Variants in AUH observed in about 807,000 individuals in gnomAD.
AUH encodes the protein methylglutaconyl-CoA hydratase, mitochondrial.
Under a neutral mutation model 42.3 loss-of-function variants are expected in AUH, and 29 were observed. The observed-to-expected ratio is 0.69, with a 90% CI of 0.51 to 0.93. The LOEUF is 0.93. Ranked by LOEUF, AUH falls within the 40% of genes least tolerant of loss-of-function variation. AUH has a pLI of 0.00. For synonymous variants in AUH, 174 were observed against 166.4 expected, an observed-to-expected ratio of 1.05 and a Z score of -0.35; for missense variants, 452 against 438.1, an observed-to-expected ratio of 1.03 and a Z score of -0.28.
chr9:91,254,331 C>G (rs1266753545), intron 6 of AUH, among the ~76,000 whole-genome samples: 1 of 152,182 alleles, frequency 6.6e-6, no homozygotes, highest in Non-Finnish European at 1.5e-5. Context: ...ACAAGAAGGC[C>G]TCTCCCAACA....
At chr9:91,275,058 T>G (rs555832272) in intron 6 of AUH, among the ~76,000 whole-genome samples, 29 of 152,214 alleles carry the variant, frequency 1.9e-4, no homozygotes, top group Non-Finnish European at 3.2e-4. Flanking sequence ...ACAGTAACAA[T>G]GATGACTAGT....
chr9:91,234,630 C>T (rs189810458), intron 6 of AUH, among the ~76,000 whole-genome samples: 2 of 151,728 alleles, frequency 1.3e-5, no homozygotes, highest in East Asian at 3.9e-4. Context: ...CCAAATAAAG[C>T]TTATTTAAGT....
intron 6 of AUH, among the ~76,000 whole-genome samples, chr9:91,234,259 C>T (rs1294093652): frequency 1.3e-5 from 2 of 152,182 alleles, no homozygotes; most frequent in Non-Finnish European, 2.9e-5. Flanking sequence ...CAGGCGTCTA[C>T]ATCAGGTCTG....
chr9:91,219,859 A>G (rs1364289914), intron 7 of AUH, among the ~76,000 whole-genome samples: 1 of 152,232 alleles, frequency 6.6e-6, no homozygotes, highest in Non-Finnish European at 1.5e-5. Flanking sequence ...TTTTAAAAAG[A>G]ATCAAATGCA....
intron 3 of AUH, among the ~76,000 whole-genome samples, chr9:91,355,509 A>T (rs1412449822): frequency 6.6e-6 from 1 of 151,982 alleles, no homozygotes; most frequent in Non-Finnish European, 1.5e-5. Context: ...GTAAGCGAAG[A>T]TCACGCCACT....
At chr9:91,347,844 A>T (rs1831642359) in intron 3 of AUH, among the ~76,000 whole-genome samples, 1 of 152,100 alleles carries the variant, frequency 6.6e-6, no homozygotes, top group African/African-American at 2.4e-5. Flanking sequence ...ATGATAAATC[A>T]GTCTTCATAC....
rs969808367 is a variant in AUH, at chr9:91,289,423, G to A, written c.655+6598C>T. On this transcript the variant is annotated intron_variant, in intron 6 of 9. Transcript: ENST00000375731. ...AGGAAGAGCTAAGGCAGCTACAGTG[G>A]AGCAAGGCTCACTGGCAATGGCCAA... Among the ~76,000 whole-genome samples, 3 of 152,164 alleles carry A rather than the reference G, an allele frequency of 2.0e-5. 1 individual carries two copies. The highest frequency in any genetic ancestry group is 7.2e-5 in the African/African-American group (3 of 41,414).
intron 6 of AUH, among the ~76,000 whole-genome samples, chr9:91,240,934 G>A (rs1828479671): frequency 6.6e-6 from 1 of 152,150 alleles, no homozygotes; most frequent in Admixed American, 6.5e-5. Context: ...TCATGGCCAG[G>A]GTAGGAGGAT....
chr9:91,255,878 CA>C (rs2131410850), intron 6 of AUH, among the ~76,000 whole-genome samples: 1 of 152,092 alleles, frequency 6.6e-6, no homozygotes, highest in Admixed American at 6.5e-5. Flanking sequence ...TTCTCTTTTT[CA>C]TTTTCAAAAA....
intron 6 of AUH, chr9:91,294,876 A>G: frequency 2.4e-6 from 1 of 420,240 alleles, no homozygotes; most frequent in Non-Finnish European, 4.8e-6. Flanking sequence ...CTGAAGTCTC[A>G]TTATAAAACT....
intron 6 of AUH, among the ~76,000 whole-genome samples, chr9:91,259,510 G>A (rs1037449358): frequency 6.6e-6 from 1 of 151,592 alleles, no homozygotes; most frequent in South Asian, 2.1e-4. Flanking sequence ...TATTTCACTA[G>A]TTTCCTCTTT....
intron 3 of AUH, among the ~76,000 whole-genome samples, chr9:91,327,743 G>T (rs1022945743): frequency 6.6e-6 from 1 of 152,184 alleles, no homozygotes; most frequent in Non-Finnish European, 1.5e-5. Context: ...ACATGCTCCC[G>T]CTAGCCAAGC....
In AUH at chr9:91,299,117, G is replaced by T. The variant is rs1217702251; in HGVS notation, c.506-1041C>A. Among the ~76,000 whole-genome samples the T allele has an allele frequency of 2.0e-5, 3 of 152,152 alleles. No homozygotes were observed. The East Asian group carries it at 5.8e-4, about 29-fold the overall frequency. Reference sequence around the variant, plus strand: ...CCTGTAATCCAAGCTACTCAAAGAGGCTGAGGCAGGAGAATCGCGTAAACC... The same window carrying T: ...CCTGTAATCCAAGCTACTCAAAGAGTCTGAGGCAGGAGAATCGCGTAAACC... On this transcript the variant is annotated intron_variant, in intron 4 of 9. Coordinates refer to ENST00000375731, the MANE Select transcript of AUH (RefSeq NM_001698.3).
chr9:91,340,421 T>G, intron 3 of AUH, among the ~76,000 whole-genome samples: 1 of 152,240 alleles, frequency 6.6e-6, no homozygotes, highest in East Asian at 1.9e-4. Context: ...TTAATCATGT[T>G]GCCTTTTTCT....
At chr9:91,318,411 C>T (rs965072548) in intron 4 of AUH, among the ~76,000 whole-genome samples, 1 of 152,126 alleles carries the variant, frequency 6.6e-6, no homozygotes, top group Non-Finnish European at 1.5e-5. Context: ...CTAAATACAG[C>T]CTTGGAATGT....
intron 3 of AUH, among the ~76,000 whole-genome samples, chr9:91,337,100 T>C (rs951479250): frequency 2.0e-5 from 3 of 152,204 alleles, no homozygotes; most frequent in Admixed American, 6.5e-5. Context: ...GCACATCCTC[T>C]TGGCAAAATG....
intron 4 of AUH, among the ~76,000 whole-genome samples, chr9:91,302,631 A>G (rs1406260614): frequency 6.6e-6 from 1 of 151,748 alleles, no homozygotes; most frequent in Non-Finnish European, 1.5e-5. Context: ...TTAGCCAGAC[A>G]TGGTGGTGCG....
At chr9:91,343,483 T>A (rs1023678546) in intron 3 of AUH, among the ~76,000 whole-genome samples, 7 of 152,160 alleles carry the variant, frequency 4.6e-5, no homozygotes, top group Middle Eastern at 3.2e-3. Context: ...TAATCAGACA[T>A]CGGCCAGGCA....
At chr9:91,302,780 A>T (rs1234896835) in intron 4 of AUH, among the ~76,000 whole-genome samples, 1 of 152,192 alleles carries the variant, frequency 6.6e-6, no homozygotes, top group Admixed American at 6.5e-5. Flanking sequence ...AAAAAAAGGA[A>T]AAAAAATGTT....
Sources: allele counts gnomAD v4.1 joint callset (sites outside exome capture counted in the v4.1 genomes callset), GRCh38; gene constraint gnomAD v4.1.1; transcripts MANE v1.5; gene names NCBI Gene and HGNC (gene_info 2026-07-23, HGNC 2026-07-21).